Variants in GALNT16 observed in about 807,000 individuals in gnomAD.
GALNT16 encodes the protein UDP-GalNAc:polypeptide N-acetylgalactosaminyltransferase-like protein 1.
A neutral mutation model predicts 76.1 loss-of-function variants in GALNT16; 40 were observed. The observed-to-expected ratio is 0.53, with a 90% CI of 0.41 to 0.68. GALNT16 has a LOEUF of 0.68. Among genes scored for constraint, GALNT16 ranks in the 30% least tolerant of loss-of-function variants. The pLI, the probability that GALNT16 is intolerant of heterozygous loss-of-function variation, is 0.00. For missense variants in GALNT16, 621 were observed against 731.9 expected, an observed-to-expected ratio of 0.85 and a Z score of 1.75; for synonymous variants, 276 against 285.2, an observed-to-expected ratio of 0.97 and a Z score of 0.32.
chr14:69,280,141 A>G (rs2044521154), intron 1 of GALNT16, among the ~76,000 whole-genome samples: 1 of 152,214 alleles, frequency 6.6e-6, no homozygotes, highest in African/African-American at 2.4e-5. Context: ...ATTCATCTAC[A>G]GAGCTCTTTC....
At chr14:69,357,702 G>A (rs1050491415), downstream of GALNT16, 6 of 152,174 alleles carry the variant, frequency 3.9e-5, no homozygotes, top group South Asian at 2.1e-4. Context: ...AAACAAAGCC[G>A]GTCTTTCAAC....
chr14:69,369,012 A>C, the GALNT16 span, among the ~76,000 whole-genome samples: 1 of 152,292 alleles, frequency 6.6e-6, no homozygotes, highest in East Asian at 1.9e-4. Context: ...TACACAACTC[A>C]ATAAACTATA....
chr14:69,320,131 TG>T (rs1417764836), intron 1 of GALNT16, among the ~76,000 whole-genome samples: 10 of 152,360 alleles, frequency 6.6e-5, no homozygotes, highest in African/African-American at 2.4e-4. Flanking sequence ...GCATGGGCTT[TG>T]GAGTCGGAAT....
chr14:69,367,950 C>T, the GALNT16 span, among the ~76,000 whole-genome samples: 1 of 152,060 alleles, frequency 6.6e-6, no homozygotes, highest in Non-Finnish European at 1.5e-5. Flanking sequence ...ATGATTGTGC[C>T]ACTGCACTCC....
At chr14:69,314,319 G>A (rs551271450) in intron 1 of GALNT16, among the ~76,000 whole-genome samples, 1 of 152,362 alleles carries the variant, frequency 6.6e-6, no homozygotes, top group South Asian at 2.1e-4. Flanking sequence ...TTCAGAAAGG[G>A]AAGTGACTTT....
intron 12 of GALNT16, among the ~76,000 whole-genome samples, chr14:69,344,402 G>A (rs1407986828): frequency 1.3e-5 from 2 of 152,256 alleles, no homozygotes; most frequent in Admixed American, 1.3e-4. Flanking sequence ...AAACCAGTAT[G>A]TCAGTTTTCT....
chr14:69,262,669 C>G (rs913910342), intron 1 of GALNT16, among the ~76,000 whole-genome samples: 1 of 152,130 alleles, frequency 6.6e-6, no homozygotes, highest in South Asian at 2.1e-4. Flanking sequence ...CCAGCTCCCT[C>G]TTTGTTCTTA....
chr14:69,374,323 C>G, the GALNT16 span, among the ~76,000 whole-genome samples: 1 of 152,218 alleles, frequency 6.6e-6, no homozygotes, highest in Admixed American at 6.5e-5. Flanking sequence ...AAATGTTATA[C>G]TGCTTCATGT....
intron 2 of GALNT16, among the ~76,000 whole-genome samples, chr14:69,322,334 C>T (rs2045200259): frequency 6.6e-6 from 1 of 152,242 alleles, no homozygotes; most frequent in Non-Finnish European, 1.5e-5. Context: ...CACTTAGAGA[C>T]CTTTCATGGG....
At chr14:69,302,795 A>G (rs147135879) in intron 1 of GALNT16, among the ~76,000 whole-genome samples, 44 of 152,304 alleles carry the variant, frequency 2.9e-4, no homozygotes, top group African/African-American at 1.0e-3. Context: ...CTATATCCCA[A>G]TTTGAATTTT....
intron 1 of GALNT16, among the ~76,000 whole-genome samples, chr14:69,318,084 C>G (rs2045127568): frequency 6.6e-6 from 1 of 152,206 alleles, no homozygotes. Flanking sequence ...GCTCCAACCC[C>G]AAGGAACAGC....
the GALNT16 span, among the ~76,000 whole-genome samples, chr14:69,365,118 C>T: frequency 6.6e-6 from 1 of 152,104 alleles, no homozygotes; most frequent in Non-Finnish European, 1.5e-5. Context: ...ATATATTAGG[C>T]AATTCTATTA....
At chr14:69,381,600 G>C in the GALNT16 span, among the ~76,000 whole-genome samples, 23 of 152,106 alleles carry the variant, frequency 1.5e-4, no homozygotes, top group African/African-American at 5.6e-4. Context: ...AGAGTACTGG[G>C]TGTCGCTTTA....
At chr14:69,304,308 A>G (rs752971430) in intron 1 of GALNT16, among the ~76,000 whole-genome samples, 2 of 152,256 alleles carry the variant, frequency 1.3e-5, no homozygotes, top group African/African-American at 2.4e-5. Flanking sequence ...TGGAGAGTTC[A>G]GTCCAGGTTC....
the GALNT16 span, among the ~76,000 whole-genome samples, chr14:69,378,812 T>C: frequency 1.3e-5 from 2 of 152,284 alleles, no homozygotes; most frequent in South Asian, 4.1e-4. Context: ...AATTAATAAA[T>C]AAATAAAGCC....
chr14:69,342,440 G>GGGGA (rs1171422853), intron 12 of GALNT16, among the ~76,000 whole-genome samples: 6 of 128,266 alleles, frequency 4.7e-5, no homozygotes, highest in Non-Finnish European at 8.5e-5. Context: ...GGGGAGGTGA[G>GGGGA]GGGAGGGAGG....
intron 1 of GALNT16, among the ~76,000 whole-genome samples, chr14:69,265,189 C>G (rs2044327523): frequency 6.6e-6 from 1 of 152,116 alleles, no homozygotes; most frequent in Non-Finnish European, 1.5e-5. Flanking sequence ...AGACCTGCCT[C>G]TGGGACATGG....
chr14:69,340,525 C>G (rs1480789206), intron 11 of GALNT16, among the ~76,000 whole-genome samples: 1 of 151,716 alleles, frequency 6.6e-6, no homozygotes, highest in East Asian at 1.9e-4. Flanking sequence ...CATTCTGTCA[C>G]CCAGGCTGGA....
chr14:69,333,679 C>T lies in GALNT16; in HGVS notation c.967+79C>T, dbSNP rs2045384703. The T allele has an allele frequency of 5.1e-6, 4 of 779,910 alleles. No individual in the cohort carries two copies. Among genetic ancestry groups the T allele is most frequent in the Non-Finnish European group, 6.7e-6 (3 of 445,004 alleles). The allele number at this position is 779,910 out of a possible 1,614,324, so 48.3% of individuals were successfully genotyped here. On this transcript the variant is annotated intron_variant, in intron 9 of 14. Transcript: ENST00000448469. This position sits in a 1 kb window ranked among gnomAD's most constrained non-coding sequence, Gnocchi z 4.2. ...TAACCCTGACAGAGCACTTTCTATG[C>T]GTGAGGACCTGCTCTAAGGACTTTA... is the stretch of plus-strand genomic sequence containing the variant.
Sources: allele counts gnomAD v4.1 joint callset (sites outside exome capture counted in the v4.1 genomes callset), GRCh38; gene constraint gnomAD v4.1.1; non-coding constraint Gnocchi (gnomAD v3.1); transcripts MANE v1.5; gene names NCBI Gene and HGNC (gene_info 2026-07-23, HGNC 2026-07-21).